CDK6: variants seen among roughly 807,000 people sequenced by gnomAD.
CDK6 encodes cyclin dependent kinase 6.
Under a neutral mutation model 37.1 loss-of-function variants are expected in CDK6, and 6 were observed. The ratio of observed to expected loss-of-function variants is 0.16; its 90% CI spans 0.09 to 0.32. The LOEUF (loss-of-function observed/expected upper bound fraction) is 0.32, where lower values mean the gene tolerates loss of function less well. CDK6 is among the 10% of genes least tolerant of loss of function. CDK6 has a pLI of 1.00. For missense variants in CDK6, 224 were observed against 418.9 expected (o/e 0.53, Z 4.06); for synonymous variants, 160 against 161.3 (o/e 0.99, Z 0.06).
At chr7:92,694,760 T>C (rs1048144946) in intron 4 of CDK6, among the ~76,000 whole-genome samples, 1 of 152,152 alleles carries the variant, frequency 6.6e-6, no homozygotes, top group Non-Finnish European at 1.5e-5. Context: ...AGCATCCAAA[T>C]TTATTACAAA....
intron 3 of CDK6, among the ~76,000 whole-genome samples, chr7:92,744,020 T>C (rs1330426379): frequency 6.6e-6 from 1 of 152,094 alleles, no homozygotes; most frequent in Admixed American, 6.6e-5. Flanking sequence ...TCTCTTATTC[T>C]GCAACTAAAA....
rs577732378 is a variant in CDK6, at chr7:92,765,910, A to G, written c.369+8786T>C. Among the ~76,000 whole-genome samples, 6 of 152,310 alleles carry G rather than the reference A, an allele frequency of 3.9e-5. No individual in the cohort carries two copies. In the South Asian group the frequency reaches 1.2e-3, roughly 32 times the overall value. The stretch of plus-strand genomic sequence containing the variant: ...GAAGGAATGATGAAGACATGACATG[A>G]GCTAGAGGGTGTGGAGCATTCCAAA... On this transcript the variant is annotated intron_variant, in intron 3 of 7. Coordinates refer to ENST00000424848, the MANE Select transcript of CDK6 (RefSeq NM_001145306.2).
intron 2 of CDK6, among the ~76,000 whole-genome samples, chr7:92,819,463 G>C (rs1285691508): frequency 6.6e-6 from 1 of 151,950 alleles, no homozygotes; most frequent in Admixed American, 6.6e-5. Flanking sequence ...GTGGTTAGTA[G>C]GTGAATAAAT....
intron 2 of CDK6, among the ~76,000 whole-genome samples, chr7:92,810,264 G>A (rs1800841177): frequency 6.6e-6 from 1 of 152,154 alleles, no homozygotes; most frequent in Non-Finnish European, 1.5e-5. Context: ...CAGTTTATGT[G>A]CATTTAATTT....
At chr7:92,829,995 G>T (rs138698665) in intron 2 of CDK6, among the ~76,000 whole-genome samples, 165 of 152,286 alleles carry the variant, frequency 1.1e-3, no homozygotes, top group African/African-American at 3.8e-3. Flanking sequence ...AATATTTGGT[G>T]AATGAACAGA....
intron 4 of CDK6, among the ~76,000 whole-genome samples, chr7:92,680,750 C>G (rs996696546): frequency 2.6e-5 from 4 of 152,150 alleles, no homozygotes; most frequent in Non-Finnish European, 5.9e-5. Flanking sequence ...CCTGCTATTG[C>G]TGGTGTGGTT....
At chr7:92,628,491 C>A (rs999116185) in intron 5 of CDK6, among the ~76,000 whole-genome samples, 1 of 152,034 alleles carries the variant, frequency 6.6e-6, no homozygotes, top group Non-Finnish European at 1.5e-5. Context: ...AATTTACTGC[C>A]CAGTTTGGCT....
chr7:92,693,940 C>T (rs1044439086), intron 4 of CDK6, among the ~76,000 whole-genome samples: 6 of 152,300 alleles, frequency 3.9e-5, no homozygotes, highest in Admixed American at 3.9e-4. Flanking sequence ...GACCAAGACC[C>T]CATGTTGCCT....
chr7:92,675,319 C>A (rs993147277), intron 4 of CDK6, among the ~76,000 whole-genome samples: 1 of 152,188 alleles, frequency 6.6e-6, no homozygotes, highest in African/African-American at 2.4e-5. Flanking sequence ...AGTTACCACT[C>A]AAAATGTAGA....
At chr7:92,627,815 G>A (rs1375311378) in intron 5 of CDK6, among the ~76,000 whole-genome samples, 1 of 151,926 alleles carries the variant, frequency 6.6e-6, no homozygotes. Flanking sequence ...TTTTGATAGA[G>A]CTGTTAAAAA....
intron 2 of CDK6, among the ~76,000 whole-genome samples, chr7:92,826,893 C>CATA (rs1801332132): frequency 6.6e-6 from 1 of 152,080 alleles, no homozygotes; most frequent in African/African-American, 2.4e-5. Context: ...TTATGGACAC[C>CATA]ATGTTATTTA....
intron 4 of CDK6, chr7:92,710,770 G>T: frequency 1.0e-6 from 1 of 985,308 alleles, no homozygotes; most frequent in Non-Finnish European, 1.2e-6. Context: ...AACACCAGAT[G>T]GAGAGGTGGG....
chr7:92,749,197 T>TA (rs75300713), intron 3 of CDK6, among the ~76,000 whole-genome samples: 3,365 of 82,610 alleles, frequency 0.041, 138 homozygotes, highest in African/African-American at 0.13. Flanking sequence ...AGACTCTGCC[T>TA]AAAAAAAAAA....
intron 5 of CDK6, among the ~76,000 whole-genome samples, chr7:92,657,967 C>T (rs986724650): frequency 2.0e-5 from 3 of 152,176 alleles, no homozygotes; most frequent in Admixed American, 6.5e-5. Flanking sequence ...AGTGATTCTC[C>T]TGTTTTGGCC....
chr7:92,790,670 A>C (rs1338063750), intron 2 of CDK6, among the ~76,000 whole-genome samples: 4 of 152,196 alleles, frequency 2.6e-5, no homozygotes, highest in Non-Finnish European at 5.9e-5. Flanking sequence ...GTGTATACAC[A>C]TATACTTATT....
chr7:92,641,336 C>T (rs968941028), intron 5 of CDK6, among the ~76,000 whole-genome samples: 1 of 152,058 alleles, frequency 6.6e-6, no homozygotes, highest in Non-Finnish European at 1.5e-5. Flanking sequence ...CTCTTTTCTC[C>T]CACTTTATTT....
intron 5 of CDK6, among the ~76,000 whole-genome samples, chr7:92,624,278 G>A (rs938302606): frequency 6.6e-6 from 1 of 152,070 alleles, no homozygotes; most frequent in South Asian, 2.1e-4. Context: ...CAAGATCTCC[G>A]AATTTAACTG....
chr7:92,684,632 T>C (rs764623523), intron 4 of CDK6, among the ~76,000 whole-genome samples: 1 of 152,222 alleles, frequency 6.6e-6, no homozygotes, highest in Non-Finnish European at 1.5e-5. Context: ...ATTCTATCTC[T>C]GCAAATGAGA....
intron 5 of CDK6, among the ~76,000 whole-genome samples, chr7:92,648,187 C>T (rs769475841): frequency 2.0e-5 from 3 of 152,096 alleles, no homozygotes; most frequent in Non-Finnish European, 4.4e-5. Flanking sequence ...GAATCTGGTG[C>T]AAATGCTGAT....
Sources: allele counts gnomAD v4.1 joint callset (sites outside exome capture counted in the v4.1 genomes callset), GRCh38; gene constraint gnomAD v4.1.1; transcripts MANE v1.5; gene names NCBI Gene and HGNC (gene_info 2026-07-23, HGNC 2026-07-21).